NHS: variants seen among roughly 807,000 people sequenced by gnomAD.
The protein encoded by NHS is actin remodeling regulator NHS.
Under a neutral mutation model 72.5 loss-of-function variants are expected in NHS, and 5 were observed. That is an observed-to-expected ratio of 0.07 (90% CI 0.04 to 0.14). NHS has a LOEUF of 0.14. Ranked by LOEUF, NHS falls within the 10% of genes least tolerant of loss-of-function variation. The pLI is 1.00. For missense variants in NHS, 1,072 were observed against 1,355.7 expected (o/e 0.79, Z 3.29); for synonymous variants, 464 against 547.7 (o/e 0.85, Z 2.13).
intron 1 of NHS, among the ~76,000 whole-genome samples, chrX:17,615,123 C>T (rs1435641053): frequency 5.6e-4 from 53 of 93,970 alleles, no homozygotes; most frequent in African/African-American, 1.9e-3. Flanking sequence ...TATATACACA[C>T]ATATACATAT....
At chrX:17,568,919 G>T (rs753146621) in intron 1 of NHS, among the ~76,000 whole-genome samples, 2 of 109,441 alleles carry the variant, frequency 1.8e-5, no homozygotes, top group East Asian at 2.9e-4. Context: ...TGCGGTGTTT[G>T]GTTTTCTGAC....
chrX:17,688,023 C>A, intron 2 of NHS, 129 bp downstream of exon 2: 1 of 746,551 alleles, frequency 1.3e-6, no homozygotes, highest in Non-Finnish European at 1.9e-6. Context: ...GCTCCCGTTT[C>A]TACCCTGAAA....
chrX:17,427,750 G>T (rs2064664828), intron 1 of NHS, among the ~76,000 whole-genome samples: 1 of 112,728 alleles, frequency 8.9e-6, no homozygotes, highest in Non-Finnish European at 1.9e-5. Flanking sequence ...CACATTGGAG[G>T]TCTACCATCT....
intron 1 of NHS, among the ~76,000 whole-genome samples, chrX:17,641,888 G>C (rs927607296): frequency 8.9e-6 from 1 of 112,102 alleles, no homozygotes. Flanking sequence ...ATTTGAGCTA[G>C]GCTTTGATGA....
At chrX:17,653,835 G>C (rs1601819306) in intron 1 of NHS, among the ~76,000 whole-genome samples, 2 of 111,918 alleles carry the variant, frequency 1.8e-5, no homozygotes, top group East Asian at 5.7e-4. Flanking sequence ...CTGAGAGCTT[G>C]TTAACATACA....
intron 1 of NHS, among the ~76,000 whole-genome samples, chrX:17,674,758 C>T (rs1395770679): frequency 1.8e-5 from 2 of 112,038 alleles, no homozygotes; most frequent in Non-Finnish European, 3.8e-5. Context: ...GCCAAGACCT[C>T]CAGACTTGAG....
At chrX:17,465,872 C>T (rs150734542) in intron 1 of NHS, among the ~76,000 whole-genome samples, 62 of 112,519 alleles carry the variant, frequency 5.5e-4, no homozygotes, top group African/African-American at 1.8e-3. Context: ...GTGTGCTCAC[C>T]CAGCGACACC....
In NHS at chrX:17,516,061, G is replaced by A. The variant is rs2065118013; in HGVS notation, c.565+139739G>A. 2.7e-5 allele frequency among the ~76,000 whole-genome samples: 3 copies of A among 109,958 alleles called. No homozygotes were observed. The Admixed American group carries it at 2.9e-4, about 11-fold the overall frequency. On this transcript the variant is annotated intron_variant, in intron 1 of 8. Coordinates refer to ENST00000676302, the MANE Select transcript of NHS (RefSeq NM_001291867.2). ...AAAAGATGTAAAAAAAAAAAAAAAG[G>A]TGAACTTAATCTTAATAGTATATTT... is the stretch of plus-strand genomic sequence containing the variant.
At chrX:17,450,057 A>G (rs1430143273) in intron 1 of NHS, among the ~76,000 whole-genome samples, 1 of 111,446 alleles carries the variant, frequency 9.0e-6, no homozygotes, top group East Asian at 2.8e-4. Context: ...GGGGAATGGT[A>G]TTTGGGCCAG....
At chrX:17,399,349 G>A (rs887050193) in intron 1 of NHS, among the ~76,000 whole-genome samples, 13 of 111,331 alleles carry the variant, frequency 1.2e-4, no homozygotes, top group Admixed American at 3.8e-4. Flanking sequence ...TGATCCACCC[G>A]CCGTGGCCTC....
intron 1 of NHS, among the ~76,000 whole-genome samples, chrX:17,446,663 A>G (rs773651734): frequency 8.1e-5 from 9 of 110,924 alleles, no homozygotes; most frequent in African/African-American, 2.9e-4. Context: ...GCCCAAAAAA[A>G]AAAAAAAATC....
chrX:17,698,243 A>G (rs1489258822), intron 3 of NHS, among the ~76,000 whole-genome samples: 1 of 112,055 alleles, frequency 8.9e-6, no homozygotes, highest in Non-Finnish European at 1.9e-5. Flanking sequence ...GAAAACACAA[A>G]TAAAATAAGC....
chrX:17,436,989 G>C (rs1045207164), intron 1 of NHS, among the ~76,000 whole-genome samples: 7 of 111,938 alleles, frequency 6.3e-5, no homozygotes, highest in African/African-American at 2.3e-4. Flanking sequence ...TACCTCAGCA[G>C]AGATGGCAGG....
In NHS at chrX:17,623,832, C is replaced by T. The variant is rs745570329; in HGVS notation, c.566-63910C>T. 3.6e-5 allele frequency among the ~76,000 whole-genome samples: 4 copies of T among 112,412 alleles called. No individual in the cohort carries two copies. The South Asian group carries it at 1.5e-3, about 42-fold the overall frequency. On this transcript the variant is annotated intron_variant, in intron 1 of 8. Coordinates refer to ENST00000676302, the MANE Select transcript of NHS (RefSeq NM_001291867.2). ...AGAAAGGAACACAACCTGACACACC[C>T]CCATCCTCCATGCTCTTCTTCCTCA...
At chrX:17,400,926 C>G (rs2064500312) in intron 1 of NHS, among the ~76,000 whole-genome samples, 1 of 111,338 alleles carries the variant, frequency 9.0e-6, no homozygotes, top group African/African-American at 3.3e-5. Flanking sequence ...CCAAAATAGC[C>G]AAAAAACAGT....
At chrX:17,450,233 C>G (rs1230940100) in intron 1 of NHS, among the ~76,000 whole-genome samples, 1 of 111,468 alleles carries the variant, frequency 9.0e-6, no homozygotes, top group Admixed American at 9.6e-5. Context: ...ATCAGTTTGG[C>G]TAACACTTGA....
intron 5 of NHS, among the ~76,000 whole-genome samples, chrX:17,723,770 T>TGTGTGTGTGCGCGC (rs541219770): frequency 3.2e-4 from 29 of 91,307 alleles, no homozygotes; most frequent in African/African-American, 5.6e-4. Flanking sequence ...TGTGTGTGTG[T>TGTGTGTGTGCGCGC]GCGCGCGCGT....
At chrX:17,599,499 G>T (rs933489789) in intron 1 of NHS, among the ~76,000 whole-genome samples, 1 of 110,518 alleles carries the variant, frequency 9.0e-6, no homozygotes, top group African/African-American at 3.3e-5. Context: ...CAGAAAAATT[G>T]AGATGATAGT....
chrX:17,440,574 C>T (rs1267184278), intron 1 of NHS, among the ~76,000 whole-genome samples: 2 of 111,815 alleles, frequency 1.8e-5, no homozygotes, highest in African/African-American at 6.5e-5. Context: ...AAATTGCCAC[C>T]TTGCTTGCTC....
Sources: allele counts gnomAD v4.1 joint callset (sites outside exome capture counted in the v4.1 genomes callset), GRCh38; gene constraint gnomAD v4.1.1; transcripts MANE v1.5; gene names NCBI Gene and HGNC (gene_info 2026-07-23, HGNC 2026-07-21).